GK: variants seen among roughly 807,000 people sequenced by gnomAD.
GK encodes the protein glycerol kinase, also known as ATP:glycerol 3-phosphotransferase.
Under a neutral mutation model 56.4 loss-of-function variants are expected in GK, and 9 were observed. That is an observed-to-expected ratio of 0.16 (90% CI 0.10 to 0.28). The LOEUF (loss-of-function observed/expected upper bound fraction) is 0.28. Among genes scored for constraint, GK ranks in the 10% least tolerant of loss-of-function variants. The pLI, the probability that GK is intolerant of heterozygous loss-of-function variation, is 1.00. For synonymous variants in GK, 104 were observed against 144.1 expected (o/e 0.72, Z 1.99); for missense variants, 161 against 431.4 (o/e 0.37, Z 5.55).
At chrX:30,667,381 T>C in intron 2 of GK, among the ~76,000 whole-genome samples, 1 of 111,143 alleles carries the variant, frequency 9.0e-6, no homozygotes, top group Non-Finnish European at 1.9e-5. Flanking sequence ...CCTTCTCATT[T>C]ACTATTAGCC....
chrX:30,726,530 G>A (rs1331885364), intron 19 of GK, among the ~76,000 whole-genome samples: 11 of 110,737 alleles, frequency 9.9e-5, no homozygotes, highest in Non-Finnish European at 2.1e-4. Context: ...CAGGTGATCC[G>A]CCCACCTCAG....
At chrX:30,703,259 A>G (rs1012720963) in intron 11 of GK, among the ~76,000 whole-genome samples, 1 of 112,015 alleles carries the variant, frequency 8.9e-6, no homozygotes, top group African/African-American at 3.2e-5. Context: ...GTGAAGCCCT[A>G]TATTTCAGGC....
At chrX:30,665,685 T>C (rs1328253187) in intron 2 of GK, 101 bp downstream of exon 2, 1 of 542,057 alleles carries the variant, frequency 1.8e-6, no homozygotes, top group African/African-American at 2.3e-5. Flanking sequence ...TCAGACATCC[T>C]CCTGAAAACA....
At chrX:30,727,772 T>C (rs932904082) in intron 20 of GK, among the ~76,000 whole-genome samples, 4 of 111,403 alleles carry the variant, frequency 3.6e-5, no homozygotes, top group Non-Finnish European at 7.5e-5. Flanking sequence ...TGATGACTTC[T>C]TTAAGAGGGA....
At chrX:30,702,878 A>T (rs1935762485) in intron 11 of GK, among the ~76,000 whole-genome samples, 1 of 112,111 alleles carries the variant, frequency 8.9e-6, no homozygotes, top group Non-Finnish European at 1.9e-5. Flanking sequence ...AGAGTGTGAC[A>T]TTATTTGTGT....
chrX:30,703,269 C>T (rs1393989226), intron 11 of GK, among the ~76,000 whole-genome samples: 1 of 111,665 alleles, frequency 9.0e-6, no homozygotes, highest in Non-Finnish European at 1.9e-5. Flanking sequence ...ATATTTCAGG[C>T]TAAGGAGCTT....
At chrX:30,659,462 CA>C (rs747891547) in intron 1 of GK, among the ~76,000 whole-genome samples, 1 of 112,641 alleles carries the variant, frequency 8.9e-6, no homozygotes, top group East Asian at 2.7e-4. Context: ...TATTTTCAGT[CA>C]CTCACATTTA....
chrX:30,695,930 T>A, intron 6 of GK, 112 bp from the exon 7 acceptor site: 1 of 516,686 alleles, frequency 1.9e-6, no homozygotes, highest in Non-Finnish European at 3.5e-6. Context: ...GGTAAAAAAA[T>A]GTAATGTTCC....
rs142838104 is a variant in GK, at chrX:30,683,225, T to G, written c.337+5773T>G. ...ATATATATACAGCTGTATATAAATA[T>G]ATATATTTTAAATACAGATAGGGTC... On this transcript the variant is annotated intron_variant, in intron 4 of 20. Coordinates refer to ENST00000427190, the MANE Select transcript of GK (RefSeq NM_001205019.2). Among the ~76,000 whole-genome samples the G allele has an allele frequency of 4.3e-3, 480 of 110,761 alleles. 1 individual carries two copies. The highest frequency in any genetic ancestry group is 0.015 in the African/African-American group (456 of 30,500).
intron 4 of GK, among the ~76,000 whole-genome samples, chrX:30,686,235 A>C (rs1190641469): frequency 2.7e-5 from 3 of 112,967 alleles, no homozygotes; most frequent in African/African-American, 9.6e-5. Context: ...GGCAGCCATC[A>C]ATATAGTCTC....
chrX:30,703,776 C>G (rs902888390), intron 11 of GK, among the ~76,000 whole-genome samples: 23 of 110,243 alleles, frequency 2.1e-4, no homozygotes, highest in Non-Finnish European at 3.8e-4. Context: ...GTCTGGCCAT[C>G]ATGGCAGAAC....
chrX:30,700,171 C>T (rs1460793612), intron 9 of GK: 1 of 361,210 alleles, frequency 2.8e-6, no homozygotes, highest in African/African-American at 2.6e-5. Flanking sequence ...AAGAGTAGAG[C>T]CCTCATTTAC....
chrX:30,656,065 T>C lies in GK; in HGVS notation c.78+2450T>C, dbSNP rs190312069. On this transcript the variant is annotated intron_variant, in intron 1 of 20. Coordinates refer to ENST00000427190, the MANE Select transcript of GK (RefSeq NM_001205019.2). ...GCTCTAGAGGCAAATAAAAAAACCG[T>C]AGAGATCCTGTGTGAAGTAGTGAAA... Among the ~76,000 whole-genome samples, 18 of 112,214 alleles carry C rather than the reference T, an allele frequency of 1.6e-4. No individual in the cohort carries two copies. The East Asian group carries it at 5.0e-3, about 31-fold the overall frequency.
rs1013432705 is a variant in GK at position 30,684,144 on chromosome X, G to A, written c.337+6692G>A. Among the ~76,000 whole-genome samples, 31 of 112,136 alleles carry A rather than the reference G, an allele frequency of 2.8e-4. 1 individual carries two copies. The highest frequency in any genetic ancestry group is 1.9e-3 in the Admixed American group (20 of 10,587). On this transcript the variant is annotated intron_variant, in intron 4 of 20. Coordinates refer to ENST00000427190, the MANE Select transcript of GK (RefSeq NM_001205019.2). ...TACCCAAGTAGTTAAAATGTGAAGC[G>A]GGAGAAGGCTTGAATCAGTGATGTT...
At chrX:30,716,154 A>G (rs956310614) in intron 13 of GK, among the ~76,000 whole-genome samples, 11 of 112,303 alleles carry the variant, frequency 9.8e-5, no homozygotes, top group Non-Finnish European at 1.7e-4. Flanking sequence ...CAGCTGTGCC[A>G]CAAAATCACT....
At chrX:30,703,160 A>G (rs1461845896) in intron 11 of GK, among the ~76,000 whole-genome samples, 2 of 112,332 alleles carry the variant, frequency 1.8e-5, no homozygotes, top group African/African-American at 6.5e-5. Context: ...GAACAAAGAT[A>G]CGTATGGGGA....
chrX:30,653,489 G>A lies in GK; in HGVS notation c.-49G>A, dbSNP rs771699355. 21 of 1,117,510 alleles carry A rather than the reference G, an allele frequency of 1.9e-5. No homozygotes were observed. The highest frequency in any genetic ancestry group is 2.6e-5 in the Non-Finnish European group (21 of 810,817). 92.1% of individuals were successfully genotyped at this position (1,117,510 alleles called of 1,213,427 possible). On this transcript the variant is annotated 5_prime_UTR_variant, in exon 1 of 21. Coordinates refer to ENST00000427190, the MANE Select transcript of GK (RefSeq NM_001205019.2). The stretch of plus-strand genomic sequence containing the variant: ...ACCTGCCCCTCCCCCTCCCGCCGCC[G>A]TCACCCAGGAAACCGGCCGCAATCG...
rs148479727 is a variant in GK, at chrX:30,684,349, A to C, written c.338-6774A>C. ...TCACTCTGGTAGCTTTCTGTAGAGC[A>C]CAATTCTTGATTTAATATAAAAATA... On this transcript the variant is annotated intron_variant, in intron 4 of 20. Coordinates refer to ENST00000427190, the MANE Select transcript of GK (RefSeq NM_001205019.2). 1.9e-3 allele frequency among the ~76,000 whole-genome samples: 207 copies of C among 111,030 alleles called. 1 individual carries two copies. Among genetic ancestry groups the C allele is most frequent in the African/African-American group, 5.9e-3 (180 of 30,577 alleles).
chrX:30,664,994 C>T (rs1220747504), intron 1 of GK, among the ~76,000 whole-genome samples: 2 of 111,110 alleles, frequency 1.8e-5, no homozygotes, highest in East Asian at 2.8e-4. Context: ...TGTAAGCCAC[C>T]GTGTCTGGTC....
Sources: gnomAD v4.1 joint callset for allele counts (sites outside exome capture counted in the v4.1 genomes callset) on GRCh38, gnomAD v4.1.1 for gene constraint, MANE v1.5 for transcripts, NCBI Gene and HGNC (gene_info 2026-07-23, HGNC 2026-07-21) for gene names.